ANO6: variants seen among roughly 807,000 people sequenced by gnomAD.
ANO6 encodes the protein anoctamin-6.
In ANO6, 106 loss-of-function variants were observed where a neutral mutation model predicts 117.5. That is an observed-to-expected ratio of 0.90 (90% confidence interval 0.77 to 1.06). The LOEUF (loss-of-function observed/expected upper bound fraction) is 1.06. Ranked by LOEUF, ANO6 falls within the 50% of genes least tolerant of loss-of-function variation. ANO6 has a pLI of 0.00. For missense variants in ANO6, 955 were observed against 1,121.1 expected (o/e 0.85, Z 2.12); for synonymous variants, 367 against 385.1 (o/e 0.95, Z 0.55).
At chr12:45,280,457 A>G (rs12314203) in intron 1 of ANO6, among the ~76,000 whole-genome samples, 3,173 of 152,298 alleles carry the variant, frequency 0.021, 125 homozygotes, top group African/African-American at 0.072. Context: ...ACCAATTACT[A>G]GCACAGAATC....
chr12:45,365,312 C>T (rs1453324032), intron 8 of ANO6, among the ~76,000 whole-genome samples: 1 of 152,090 alleles, frequency 6.6e-6, no homozygotes, highest in Non-Finnish European at 1.5e-5. Context: ...TGTGCATGGC[C>T]TTCTGCAATC....
At chr12:45,287,011 A>T (rs560209633) in intron 1 of ANO6, among the ~76,000 whole-genome samples, 2 of 152,336 alleles carry the variant, frequency 1.3e-5, no homozygotes, top group South Asian at 2.1e-4. Context: ...TGGATCGCCT[A>T]ACATGGCCCA....
At chr12:45,255,014 C>G (rs1421597501) in intron 1 of ANO6, among the ~76,000 whole-genome samples, 1 of 152,118 alleles carries the variant, frequency 6.6e-6, no homozygotes, top group Non-Finnish European at 1.5e-5. Flanking sequence ...CCATATATAT[C>G]TCTTACATTA....
chr12:45,297,070 G>A (rs573998119), intron 1 of ANO6, among the ~76,000 whole-genome samples: 1 of 152,242 alleles, frequency 6.6e-6, no homozygotes, highest in East Asian at 1.9e-4. Flanking sequence ...GCATTGCCAA[G>A]GATCATGCAG....
chr12:45,236,091 T>G (rs1947640898), intron 1 of ANO6, among the ~76,000 whole-genome samples: 1 of 152,200 alleles, frequency 6.6e-6, no homozygotes, highest in Non-Finnish European at 1.5e-5. Context: ...ATAGCCCCAA[T>G]CCTGTTGTGA....
chr12:45,312,699 A>G (rs2137336270), intron 2 of ANO6, among the ~76,000 whole-genome samples: 1 of 152,146 alleles, frequency 6.6e-6, no homozygotes, highest in African/African-American at 2.4e-5. Flanking sequence ...GAAAACTCTT[A>G]ATGGCTTCTT....
intron 4 of ANO6, chr12:45,347,327 TTTTC>T (rs1371308486): frequency 3.5e-5 from 16 of 454,004 alleles, no homozygotes; most frequent in East Asian, 1.3e-4. Context: ...TGAATGATTA[TTTTC>T]TTTCTTTAAG....
chr12:45,306,183 A>G (rs1939662646), intron 2 of ANO6, among the ~76,000 whole-genome samples: 1 of 152,164 alleles, frequency 6.6e-6, no homozygotes, highest in Non-Finnish European at 1.5e-5. Context: ...ATGATCTGAG[A>G]CTGACATTTT....
intron 2 of ANO6, among the ~76,000 whole-genome samples, chr12:45,308,387 G>A (rs527361065): frequency 6.6e-6 from 1 of 152,148 alleles, no homozygotes; most frequent in Admixed American, 6.5e-5. Flanking sequence ...GATTGCGGAA[G>A]CTTTTTCTTG....
chr12:45,274,567 G>A (rs1275938180), intron 1 of ANO6, among the ~76,000 whole-genome samples: 2 of 151,894 alleles, frequency 1.3e-5, no homozygotes, highest in Admixed American at 1.3e-4. Context: ...CACCATTCAT[G>A]CACCTCTTGG....
intron 11 of ANO6, 69 bp from the exon 12 acceptor site, chr12:45,390,352 A>C (rs1593052882): frequency 1.7e-6 from 2 of 1,200,360 alleles, no homozygotes; most frequent in East Asian, 2.3e-5. Context: ...TTTATTGGCG[A>C]GTCAGGAGAA....
chr12:45,436,524 A>G (rs1565782601), downstream of ANO6, among the ~76,000 whole-genome samples: 2 of 152,304 alleles, frequency 1.3e-5, no homozygotes, highest in East Asian at 1.9e-4. Context: ...TTCAGGGTGT[A>G]TAAGAAACCA....
intron 2 of ANO6, among the ~76,000 whole-genome samples, chr12:45,306,100 C>A (rs1024869098): frequency 6.6e-6 from 1 of 152,130 alleles, no homozygotes; most frequent in Non-Finnish European, 1.5e-5. Context: ...CTGGAAGATA[C>A]TGCCATGGAT....
intron 2 of ANO6, among the ~76,000 whole-genome samples, chr12:45,328,832 T>C (rs914124793): frequency 6.6e-6 from 1 of 152,190 alleles, no homozygotes; most frequent in Admixed American, 6.6e-5. Flanking sequence ...CCCATGTTTT[T>C]TCCATATTTG....
intron 1 of ANO6, among the ~76,000 whole-genome samples, chr12:45,259,838 C>G (rs1421374350): frequency 1.3e-5 from 2 of 152,186 alleles, no homozygotes; most frequent in African/African-American, 4.8e-5. Context: ...GTACAGCAAC[C>G]AAAGCAATTC....
At chr12:45,392,407 CCT>C (rs1466187460) in intron 12 of ANO6, among the ~76,000 whole-genome samples, 3 of 152,208 alleles carry the variant, frequency 2.0e-5, no homozygotes, top group Admixed American at 6.5e-5. Context: ...CCAGACTCCA[CCT>C]CTGTGGGCAG....
intron 10 of ANO6, among the ~76,000 whole-genome samples, chr12:45,381,006 A>G (rs547142146): frequency 6.6e-6 from 1 of 152,160 alleles, no homozygotes; most frequent in South Asian, 2.1e-4. Context: ...AGTTAATCTA[A>G]CTTCTCTGCC....
intron 2 of ANO6, among the ~76,000 whole-genome samples, chr12:45,320,954 T>C (rs1940245621): frequency 6.6e-6 from 1 of 152,136 alleles, no homozygotes; most frequent in Non-Finnish European, 1.5e-5. Flanking sequence ...TGCCTTTTTT[T>C]GTTTTCCATT....
chr12:45,432,394 A>AACAT (rs146299276), downstream of ANO6: 1 of 681,222 alleles, frequency 1.5e-6, no homozygotes, highest in East Asian at 1.7e-4. Context: ...TAAGGAAGAG[A>AACAT]ACATATATCT....
Sources: allele counts gnomAD v4.1 joint callset (sites outside exome capture counted in the v4.1 genomes callset), GRCh38; gene constraint gnomAD v4.1.1; transcripts MANE v1.5; gene names NCBI Gene and HGNC (gene_info 2026-07-23, HGNC 2026-07-21).